LMX1B: variants seen among roughly 807,000 people sequenced by gnomAD.
LMX1B encodes the protein LIM homeobox transcription factor 1 beta, also known as LIM homeobox transcription factor 1-beta.
Under a neutral mutation model 51.4 loss-of-function variants are expected in LMX1B, and 12 were observed. The ratio of observed to expected loss-of-function variants is 0.23; its 90% CI spans 0.15 to 0.38. LMX1B has a LOEUF of 0.38. Ranked by LOEUF, LMX1B falls within the 10% of genes least tolerant of loss-of-function variation. The pLI is 1.00. For synonymous variants in LMX1B, 237 were observed against 235.4 expected, an observed-to-expected ratio of 1.01 and a Z score of -0.06; for missense variants, 445 against 571.1, an observed-to-expected ratio of 0.78 and a Z score of 2.25.
chr9:126,675,527 C>A (rs1027473363), intron 2 of LMX1B, among the ~76,000 whole-genome samples: 1 of 150,778 alleles, frequency 6.6e-6, no homozygotes, highest in African/African-American at 2.4e-5. Context: ...GAGATCAAGA[C>A]CATCCTGGCC....
chr9:126,641,083 G>A lies in LMX1B; in HGVS notation c.326+25514G>A, dbSNP rs750656380. On this transcript the variant is annotated intron_variant, in intron 2 of 7. Coordinates refer to ENST00000373474, the MANE Select transcript of LMX1B (RefSeq NM_001174147.2). The surrounding 1 kb of genome is among the most constrained non-coding windows in gnomAD (Gnocchi z 4.1). ...AGACGAGTACACCGAGTTTCTCCAC[G>A]AGGCACAGAGCTGAGTAGGCAACCT... 4 of 152,304 alleles carry A rather than the reference G, an allele frequency of 2.6e-5. No individual in the cohort carries two copies. Among genetic ancestry groups the A allele is most frequent in the Non-Finnish European group, 5.9e-5 (4 of 68,108 alleles). The allele number at this position is 152,304 out of a possible 1,614,324, so 9.4% of individuals were successfully genotyped here. A position where few individuals can be genotyped will look rare whatever the true frequency, so the allele number is the denominator to read the frequency against.
chr9:126,659,174 C>G (rs1836179096), intron 2 of LMX1B, among the ~76,000 whole-genome samples: 1 of 152,260 alleles, frequency 6.6e-6, no homozygotes, highest in Non-Finnish European at 1.5e-5. Flanking sequence ...GAATGGGCCC[C>G]CTTCCCCCAT....
rs868200507 is a variant in LMX1B at position 126,672,632 on chromosome 9, A to G, written c.327-18204A>G. On this transcript the variant is annotated intron_variant, in intron 2 of 7. Transcript: ENST00000373474. ...GAAAGCCGGGGCCCAGGAATTTACAATCCGTTACTTGAGGGATGTCCTGCC... is the reference window on the plus strand; with the variant it reads ...GAAAGCCGGGGCCCAGGAATTTACAGTCCGTTACTTGAGGGATGTCCTGCC... Among the ~76,000 whole-genome samples the G allele has an allele frequency of 3.0e-4, 46 of 152,178 alleles. No individual in the cohort carries two copies. The Middle Eastern group carries it at 0.017, about 56-fold the overall frequency.
Position 126,696,791 on chromosome 9 carries a change from A to T in LMX1B, c.*340A>T. On this transcript the variant is annotated 3_prime_UTR_variant, in exon 8 of 8. Coordinates refer to ENST00000373474, the MANE Select transcript of LMX1B (RefSeq NM_001174147.2). ...AAGCTTAAATTCTCTCTATTTTTTTAAATGTCCTCTCTGTGTCCATGGCCC... is the reference window on the plus strand; with the variant it reads ...AAGCTTAAATTCTCTCTATTTTTTTTAATGTCCTCTCTGTGTCCATGGCCC... 1 of 394,000 alleles carries T rather than the reference A, an allele frequency of 2.5e-6. No individual in the cohort carries two copies. Among genetic ancestry groups the T allele is most frequent in the Non-Finnish European group, 4.8e-6 (1 of 210,350 alleles). 24.4% of individuals were successfully genotyped at this position (394,000 alleles called of 1,614,324 possible).
chr9:126,642,034 C>G (rs1248937445), intron 2 of LMX1B, among the ~76,000 whole-genome samples: 1 of 152,116 alleles, frequency 6.6e-6, no homozygotes, highest in Admixed American at 6.5e-5. Context: ...CTTCGAAGCC[C>G]CCACCTGGAA....
At chr9:126,663,166 C>T (rs1836276996) in intron 2 of LMX1B, among the ~76,000 whole-genome samples, 1 of 152,134 alleles carries the variant, frequency 6.6e-6, no homozygotes, top group South Asian at 2.1e-4. Flanking sequence ...GTGGCTCACA[C>T]CTGTAATCAC....
rs1312419852 is a variant in LMX1B, at chr9:126,691,787, C to T, written c.559+719C>T. On this transcript the variant is annotated intron_variant, in intron 3 of 7. Transcript: ENST00000373474. ...GCAGTGAGAAGCAAACAGCCTCGAGCCAGCCTCTGTTTCCCAGCCGAAGGG... is the reference window on the plus strand; with the variant it reads ...GCAGTGAGAAGCAAACAGCCTCGAGTCAGCCTCTGTTTCCCAGCCGAAGGG... Among the ~76,000 whole-genome samples, 8 of 152,334 alleles carry T rather than the reference C, an allele frequency of 5.3e-5. No homozygotes were observed. The East Asian group carries it at 5.8e-4, about 11-fold the overall frequency.
chr9:126,688,316 G>T (rs941521368), intron 2 of LMX1B, among the ~76,000 whole-genome samples: 1 of 152,196 alleles, frequency 6.6e-6, no homozygotes, highest in South Asian at 2.1e-4. Flanking sequence ...CAGGTCACCC[G>T]CCCTGCTGCC....
chr9:126,615,274 C>G lies in LMX1B; in HGVS notation c.140-109C>G. 1 of 734,468 alleles carries G rather than the reference C, an allele frequency of 1.4e-6. No homozygotes were observed. The highest frequency in any genetic ancestry group is 4.8e-5 in the Admixed American group (1 of 20,824). The allele number at this position is 734,468 out of a possible 1,614,324, so 45.5% of individuals were successfully genotyped here. A position where few individuals can be genotyped will look rare whatever the true frequency, so the allele number is the denominator to read the frequency against. On this transcript the variant is annotated intron_variant, in intron 1 of 7. Transcript: ENST00000373474. The surrounding 1 kb of genome is among the most constrained non-coding windows in gnomAD (Gnocchi z 6.0). ...GGAGCGCAGGCGGCAGGCGGTGATC[C>G]CGGGCGGCCCGAGCCCTCGGGGCCG...
Position 126,699,379 on chromosome 9 carries a change from T to G in LMX1B, c.*2928T>G, listed in dbSNP as rs1487943056. 6.6e-6 allele frequency: 1 copy of G among 152,222 alleles called. No homozygotes were observed. The highest frequency in any genetic ancestry group is 2.4e-5 in the African/African-American group (1 of 41,450). 9.4% of individuals were successfully genotyped at this position (152,222 alleles called of 1,614,324 possible). ...ACTTGCCAGCTGTTGGGGTCACATA[T>G]TCCCATTCTGGGGCCTCACAAACCC... is the stretch of plus-strand genomic sequence containing the variant. On this transcript the variant is annotated 3_prime_UTR_variant, in exon 8 of 8. Transcript: ENST00000373474.
rs111959047 is a variant in LMX1B, at chr9:126,692,967, T to C, written c.560-175T>C. Among the ~76,000 whole-genome samples the C allele has an allele frequency of 7.1e-3, 1,078 of 152,048 alleles. 8 individuals carry two copies. The highest frequency in any genetic ancestry group is 0.017 in the African/African-American group (694 of 41,476). On this transcript the variant is annotated intron_variant, in intron 3 of 7. Coordinates refer to ENST00000373474, the MANE Select transcript of LMX1B (RefSeq NM_001174147.2). Reference sequence around the variant, plus strand: ...GCAGGAGACCAGGGCCCAGATGAGGTAGGGCCTGTGGGCCACGGGAGGGAA... The same window carrying C: ...GCAGGAGACCAGGGCCCAGATGAGGCAGGGCCTGTGGGCCACGGGAGGGAA...
At chr9:126,652,207 C>T (rs958561642) in intron 2 of LMX1B, among the ~76,000 whole-genome samples, 1 of 149,152 alleles carries the variant, frequency 6.7e-6, no homozygotes, top group African/African-American at 2.5e-5. Context: ...TCCTGTGATC[C>T]GAGGCATGAT....
chr9:126,670,919 C>A (rs148396239), intron 2 of LMX1B, among the ~76,000 whole-genome samples: 1 of 152,324 alleles, frequency 6.6e-6, no homozygotes, highest in Non-Finnish European at 1.5e-5. Flanking sequence ...GGTGAATTAT[C>A]ATGGGTGTGG....
At chr9:126,682,526 G>GGGA (rs1836695013) in intron 2 of LMX1B, among the ~76,000 whole-genome samples, 1 of 152,222 alleles carries the variant, frequency 6.6e-6, no homozygotes. Flanking sequence ...TGGGGGCATT[G>GGGA]GGAGGGGCTG....
rs545984143 is a variant in LMX1B at position 126,641,695 on chromosome 9, T to C, written c.326+26126T>C. On this transcript the variant is annotated intron_variant, in intron 2 of 7. Transcript: ENST00000373474. This position sits in a 1 kb window ranked among gnomAD's most constrained non-coding sequence, Gnocchi z 4.1. ...GCTTGCTGAGCTGCACTGGGGAGGC[T>C]CTTTCTTCAAGGGGACTCTCTTCTC... is the stretch of plus-strand genomic sequence containing the variant. Among the ~76,000 whole-genome samples, 1 of 152,150 alleles carries C rather than the reference T, an allele frequency of 6.6e-6. No individual in the cohort carries two copies. The highest frequency in any genetic ancestry group is 2.1e-4 in the South Asian group (1 of 4,826).
rs754218089 is a variant in LMX1B at position 126,696,409 on chromosome 9, C to T, written c.1167C>T (p.Ile389=). 3 of 1,614,100 alleles carry T rather than the reference C, an allele frequency of 1.9e-6. No homozygotes were observed. Among genetic ancestry groups the T allele is most frequent in the East Asian group, 2.2e-5 (1 of 44,864 alleles). Residue 389 remains isoleucine, a synonymous_variant, in exon 8 of 8, where the codon ATC becomes ATT. Transcript: ENST00000373474. The part of the protein sequence containing the change: ...GSLQARVGNP[I]DRLYSMQSSY... ...TGCAGGCCCGCGTGGGGAACCCCAT[C>T]GACCGGCTCTACTCCATGCAGAGTT... is the stretch of plus-strand genomic sequence containing the variant.
At chr9:126,678,764 T>C (rs1836619116) in intron 2 of LMX1B, among the ~76,000 whole-genome samples, 1 of 152,202 alleles carries the variant, frequency 6.6e-6, no homozygotes, top group African/African-American at 2.4e-5. Flanking sequence ...GAAAGCTTTA[T>C]AGAAAATTTT....
At chr9:126,643,653 C>T (rs901868154) in intron 2 of LMX1B, among the ~76,000 whole-genome samples, 16 of 152,140 alleles carry the variant, frequency 1.1e-4, no homozygotes, top group African/African-American at 3.9e-4. Flanking sequence ...TATGCTGGGA[C>T]CACAAGTATA....
At chr9:126,634,678 A>G (rs1835683965) in intron 2 of LMX1B, among the ~76,000 whole-genome samples, 1 of 152,178 alleles carries the variant, frequency 6.6e-6, no homozygotes, top group Admixed American at 6.5e-5. Context: ...TTAGTCATCT[A>G]TAAAATGGGT....
Sources: allele counts gnomAD v4.1 joint callset (sites outside exome capture counted in the v4.1 genomes callset), GRCh38; gene constraint gnomAD v4.1.1; non-coding constraint Gnocchi (gnomAD v3.1); transcripts MANE v1.5; gene names NCBI Gene and HGNC (gene_info 2026-07-23, HGNC 2026-07-21).